Variants in TNRC6A observed in about 807,000 individuals in gnomAD.
TNRC6A encodes trinucleotide repeat containing adaptor 6A, also known as trinucleotide repeat-containing gene 6A protein.
In TNRC6A, 44 loss-of-function variants were observed where a neutral mutation model predicts 221.2. That is an observed-to-expected ratio of 0.20 (90% CI 0.16 to 0.26). TNRC6A has a LOEUF of 0.26. Ranked by LOEUF, TNRC6A falls within the 10% of genes least tolerant of loss-of-function variation. The pLI is 1.00. For synonymous variants in TNRC6A, 847 were observed against 838.5 expected, an observed-to-expected ratio of 1.01 and a Z score of -0.18; for missense variants, 2,199 against 2,404.4, an observed-to-expected ratio of 0.91 and a Z score of 1.79.
intron 1 of TNRC6A, among the ~76,000 whole-genome samples, chr16:24,631,495 G>A (rs1901336602): frequency 6.6e-6 from 1 of 152,128 alleles, no homozygotes; most frequent in Admixed American, 6.6e-5. Flanking sequence ...CTAGGGGCTG[G>A]GTGTGGTGAC....
At chr16:24,675,702 C>CTA (rs60165161) in intron 2 of TNRC6A, among the ~76,000 whole-genome samples, 421 of 33,232 alleles carry the variant, frequency 0.013, 9 homozygotes, top group East Asian at 0.018. Flanking sequence ...CTCTCTCTCT[C>CTA]TATATATATA....
At chr16:24,755,247 A>G (rs2057225274) in intron 3 of TNRC6A, among the ~76,000 whole-genome samples, 2 of 152,220 alleles carry the variant, frequency 1.3e-5, no homozygotes, top group African/African-American at 4.8e-5. Flanking sequence ...TTAATTCTTT[A>G]TTCTTAATGT....
At chr16:24,822,263 ACAG>A in intron 23 of TNRC6A, 116 bp downstream of exon 23, 4 of 981,696 alleles carry the variant, frequency 4.1e-6, no homozygotes, top group Non-Finnish European at 4.7e-6. Flanking sequence ...AGCAGAGGAA[ACAG>A]CAGAGGAGTG....
intron 2 of TNRC6A, among the ~76,000 whole-genome samples, chr16:24,704,664 CAAAAAAAAAAAAA>C (rs58926085): frequency 1.8e-3 from 128 of 69,466 alleles, no homozygotes; most frequent in Non-Finnish European, 3.1e-3. Flanking sequence ...GACTCCGTCT[CAAAAAAAAAAAAA>C]AAAAAAAAAA....
intron 5 of TNRC6A, among the ~76,000 whole-genome samples, chr16:24,782,600 G>A (rs1038697487): frequency 1.3e-5 from 2 of 152,108 alleles, no homozygotes; most frequent in Non-Finnish European, 2.9e-5. Flanking sequence ...ATTTGAGGCC[G>A]GGCGTGGTGG....
chr16:24,814,638 C>T (rs2058619772), intron 18 of TNRC6A, among the ~76,000 whole-genome samples: 1 of 152,078 alleles, frequency 6.6e-6, no homozygotes, highest in Non-Finnish European at 1.5e-5. Context: ...TGGTCTCGAT[C>T]TCTTGACCTC....
intron 2 of TNRC6A, among the ~76,000 whole-genome samples, chr16:24,694,327 C>T (rs1290285637): frequency 6.6e-6 from 1 of 152,112 alleles, no homozygotes; most frequent in East Asian, 1.9e-4. Flanking sequence ...AACACATGGA[C>T]ACAATGACCC....
At chr16:24,778,252 G>C in intron 5 of TNRC6A, 2 of 983,370 alleles carry the variant, frequency 2.0e-6, no homozygotes, top group Middle Eastern at 5.2e-4. Flanking sequence ...TTTCCTAACT[G>C]TGCCAGGTAG....
chr16:24,807,577 A>T (rs2058460729), intron 17 of TNRC6A, among the ~76,000 whole-genome samples: 1 of 152,142 alleles, frequency 6.6e-6, no homozygotes, highest in Admixed American at 6.5e-5. Flanking sequence ...ATGATTACTG[A>T]TATAAATTTA....
intron 4 of TNRC6A, among the ~76,000 whole-genome samples, chr16:24,771,003 G>C (rs576309734): frequency 2.0e-5 from 3 of 152,258 alleles, no homozygotes; most frequent in Admixed American, 6.5e-5. Flanking sequence ...GACACAGTGT[G>C]GGATACCACA....
In TNRC6A at chr16:24,815,317, T is replaced by C; in HGVS notation, c.4831+12T>C. ...TAATTGGCCACCAGGTAAAATTTTTTCTAACACTTTCTTTCATGAGACTGT... is the reference window on the plus strand; with the variant it reads ...TAATTGGCCACCAGGTAAAATTTTTCCTAACACTTTCTTTCATGAGACTGT... On this transcript the variant is annotated intron_variant, in intron 19 of 24. Coordinates refer to ENST00000395799, the MANE Select transcript of TNRC6A (RefSeq NM_014494.4). The C allele has an allele frequency of 6.2e-7, 1 of 1,613,746 alleles. No homozygotes were observed. Among genetic ancestry groups the C allele is most frequent in the Non-Finnish European group, 8.5e-7 (1 of 1,179,734 alleles).
chr16:24,746,543 TA>T (rs1467973498), intron 2 of TNRC6A, among the ~76,000 whole-genome samples: 1 of 152,256 alleles, frequency 6.6e-6, no homozygotes, highest in Non-Finnish European at 1.5e-5. Flanking sequence ...CAGGATGATT[TA>T]ACTTTTCCCT....
chr16:24,788,607 T>C (rs1255291044), intron 5 of TNRC6A, among the ~76,000 whole-genome samples: 1 of 152,016 alleles, frequency 6.6e-6, no homozygotes, highest in Non-Finnish European at 1.5e-5. Context: ...TCCGTTATCC[T>C]AATGCGTAGC....
chr16:24,644,187 C>T (rs1033469578), intron 2 of TNRC6A, among the ~76,000 whole-genome samples: 9 of 136,992 alleles, frequency 6.6e-5, no homozygotes, highest in African/African-American at 1.4e-4. Flanking sequence ...TCCGGATTCA[C>T]GCCATTCTCC....
At chr16:24,742,090 C>G (rs1011969896) in intron 2 of TNRC6A, among the ~76,000 whole-genome samples, 6 of 152,122 alleles carry the variant, frequency 3.9e-5, no homozygotes, top group Non-Finnish European at 8.8e-5. Flanking sequence ...ACCACCTTGG[C>G]CTTCCAAAGC....
chr16:24,777,386 C>T, intron 5 of TNRC6A, 28 bp downstream of exon 5: 2 of 1,584,106 alleles, frequency 1.3e-6, no homozygotes, highest in Non-Finnish European at 1.7e-6. Flanking sequence ...TTACGAGACT[C>T]ACACCTTATC....
intron 2 of TNRC6A, among the ~76,000 whole-genome samples, chr16:24,709,257 C>CA (rs34362957): frequency 0.18 from 26,824 of 145,944 alleles, 2,806 homozygotes; most frequent in South Asian, 0.26. Context: ...AACTCTGTCT[C>CA]AAAAAAAAAA....
chr16:24,666,885 G>A (rs964867663), intron 2 of TNRC6A, among the ~76,000 whole-genome samples: 4 of 151,502 alleles, frequency 2.6e-5, no homozygotes, highest in Non-Finnish European at 5.9e-5. Context: ...GGAGGCTGAG[G>A]CGGGTGGATC....
intron 1 of TNRC6A, among the ~76,000 whole-genome samples, chr16:24,639,713 T>C (rs1385313269): frequency 6.6e-6 from 1 of 152,078 alleles, no homozygotes; most frequent in Non-Finnish European, 1.5e-5. Context: ...TGATCATAGC[T>C]CACTGTAGCC....
Sources: allele counts gnomAD v4.1 joint callset (sites outside exome capture counted in the v4.1 genomes callset), GRCh38; gene constraint gnomAD v4.1.1; transcripts MANE v1.5; gene names NCBI Gene and HGNC (gene_info 2026-07-23, HGNC 2026-07-21).